CDH19: variants seen among roughly 807,000 people sequenced by gnomAD.
The protein encoded by CDH19 is cadherin 19.
CDH19 carries 67 observed loss-of-function variants against 64.2 expected under a neutral mutation model. The ratio of observed to expected loss-of-function variants is 1.04; its 90% CI spans 0.86 to 1.28. The LOEUF (loss-of-function observed/expected upper bound fraction) is 1.28. Among genes scored for constraint, CDH19 ranks in the 50% most tolerant of loss-of-function variants. The probability of loss-of-function intolerance (pLI) is 0.00; values close to 1 mark genes in which losing one functional copy is unlikely to be tolerated. For missense variants in CDH19, 1,030 were observed against 929.0 expected (o/e 1.11, Z -1.41); for synonymous variants, 346 against 319.3 (o/e 1.08, Z -0.89).
intron 1 of CDH19, among the ~76,000 whole-genome samples, chr18:66,586,015 T>G (rs963344875): frequency 6.6e-6 from 1 of 152,122 alleles, no homozygotes; most frequent in African/African-American, 2.4e-5. Flanking sequence ...CTGAATCTAA[T>G]TAGAAATTGT....
At chr18:66,506,086 A>AT (rs1451358468) in intron 11 of CDH19, among the ~76,000 whole-genome samples, 1 of 152,054 alleles carries the variant, frequency 6.6e-6, no homozygotes, top group Non-Finnish European at 1.5e-5. Context: ...AAAGCACTGC[A>AT]TGATCTCACT....
intron 3 of CDH19, among the ~76,000 whole-genome samples, chr18:66,557,622 C>T (rs548923406): frequency 2.0e-5 from 3 of 151,806 alleles, no homozygotes; most frequent in East Asian, 3.9e-4. Context: ...TTAAAAGAAC[C>T]AAGGCTATAG....
rs1987044088 is a variant in CDH19 at position 66,544,842 on chromosome 18, CAT to C, written c.835_836del (p.Met279GlyfsTer3). The C allele has an allele frequency of 6.2e-7, 1 of 1,612,614 alleles. No homozygotes were observed. Among genetic ancestry groups the C allele is most frequent in the Non-Finnish European group, 8.5e-7 (1 of 1,179,128 alleles). On this transcript the variant is annotated frameshift_variant, in exon 6 of 12. Transcript: ENST00000262150. LOFTEE classifies it high-confidence loss of function. ...TCTCTCCTATGTCATTATCATATGCCATGATTGTTCCTATAGAAGTCCCAGTG... is the reference window on the plus strand; with the variant it reads ...TCTCTCCTATGTCATTATCATATGCCGATTGTTCCTATAGAAGTCCCAGTG... ...APTGTSIGTI[M>X]AYDNDIGENA...
At chr18:66,587,427 T>C (rs1988608652) in intron 1 of CDH19, among the ~76,000 whole-genome samples, 1 of 152,110 alleles carries the variant, frequency 6.6e-6, no homozygotes, top group African/African-American at 2.4e-5. Context: ...CCTCATAAAC[T>C]GTCCCTAAAT....
At chr18:66,542,570 A>T (rs1464367042) in intron 7 of CDH19, among the ~76,000 whole-genome samples, 1 of 152,214 alleles carries the variant, frequency 6.6e-6, no homozygotes, top group African/African-American at 2.4e-5. Flanking sequence ...ATAGATGGCA[A>T]ATATCTGTTT....
At chr18:66,514,443 T>A (rs986366605) in intron 9 of CDH19, among the ~76,000 whole-genome samples, 95 of 151,436 alleles carry the variant, frequency 6.3e-4, no homozygotes, top group African/African-American at 2.0e-3. Flanking sequence ...GAAGATTTTC[T>A]AGGGTAAGAG....
intron 8 of CDH19, chr18:66,532,489 T>TACAC (rs34280650): frequency 0.02 from 2,904 of 146,710 alleles, 65 homozygotes; most frequent in African/African-American, 0.053. Context: ...AGAGCATTCA[T>TACAC]ACACACACAC....
chr18:66,504,602 A>G lies in CDH19; in HGVS notation c.*210T>C, dbSNP rs1419003816. The stretch of plus-strand genomic sequence containing the variant: ...AAATCTGGTTGTATTGATGCCTGTG[A>G]GCTGATTGTTTACATTTCTCCCCAC... On this transcript the variant is annotated 3_prime_UTR_variant, in exon 12 of 12. Transcript: ENST00000262150. The G allele has an allele frequency of 4.3e-6, 2 of 468,780 alleles. No individual in the cohort carries two copies. The highest frequency in any genetic ancestry group is 3.8e-6 in the Non-Finnish European group (1 of 265,806). 29.0% of individuals were successfully genotyped at this position (468,780 alleles called of 1,614,324 possible). A position where few individuals can be genotyped will look rare whatever the true frequency, so the allele number is the denominator to read the frequency against.
chr18:66,594,861 G>T (rs1459890613), intron 1 of CDH19, among the ~76,000 whole-genome samples: 4 of 107,578 alleles, frequency 3.7e-5, no homozygotes, highest in South Asian at 3.8e-4. Context: ...GTTGTGGGGT[G>T]GGGGGAGGGG....
intron 5 of CDH19, among the ~76,000 whole-genome samples, chr18:66,550,233 C>G (rs899429469): frequency 6.6e-6 from 1 of 152,126 alleles, no homozygotes; most frequent in African/African-American, 2.4e-5. Flanking sequence ...AGAAATTCCT[C>G]CAATAATTGC....
In CDH19 at chr18:66,505,303, C is replaced by A; in HGVS notation, c.1829-1G>T. On this transcript the variant is annotated splice_acceptor_variant, in intron 11 of 11. Transcript: ENST00000262150. LOFTEE classifies it high-confidence loss of function. ...AAACCCAAAGTCAAAAAAATAAACCCTGATGAAGAAAGCACATCAGAATAT... is the reference window on the plus strand; with the variant it reads ...AAACCCAAAGTCAAAAAAATAAACCATGATGAAGAAAGCACATCAGAATAT... 6.5e-7 allele frequency: 1 copy of A among 1,542,688 alleles called. No individual in the cohort carries two copies. Among genetic ancestry groups the A allele is most frequent in the South Asian group, 1.3e-5 (1 of 77,824 alleles).
chr18:66,561,109 A>G (rs541461612), intron 3 of CDH19, among the ~76,000 whole-genome samples: 32 of 150,534 alleles, frequency 2.1e-4, no homozygotes, highest in South Asian at 1.9e-3. Flanking sequence ...AGATTTAACT[A>G]TATCTTAAGA....
At position 66,520,101 on chromosome 18, in the gene CDH19, C is replaced by T. The variant is rs904909074; in HGVS notation, c.1459-8416G>A. 2.2e-4 allele frequency among the ~76,000 whole-genome samples: 33 copies of T among 152,062 alleles called. 1 individual carries two copies. Among genetic ancestry groups the T allele is most frequent in the African/African-American group, 7.0e-4 (29 of 41,402 alleles). The stretch of plus-strand genomic sequence containing the variant: ...TCGGGAGGCTGAGGCAGGAGAATCG[C>T]TTGAACTCGGGAGGCAGAGGTTGCA... On this transcript the variant is annotated intron_variant, in intron 9 of 11. Transcript: ENST00000262150.
chr18:66,556,464 CTA>C (rs1987524297), intron 3 of CDH19, among the ~76,000 whole-genome samples: 1 of 151,728 alleles, frequency 6.6e-6, no homozygotes, highest in Admixed American at 6.6e-5. Flanking sequence ...ATTTTATTCT[CTA>C]TCTTTCTATA....
At chr18:66,513,411 G>A (rs997967835) in intron 9 of CDH19, among the ~76,000 whole-genome samples, 1 of 151,384 alleles carries the variant, frequency 6.6e-6, no homozygotes, top group Non-Finnish European at 1.5e-5. Flanking sequence ...CTTCCAATAA[G>A]ATATGTTTTA....
rs1985020699 is a variant in CDH19 at position 66,503,167 on chromosome 18, A to C, written c.*1645T>G. On this transcript the variant is annotated 3_prime_UTR_variant, in exon 12 of 12. Transcript: ENST00000262150. ...TTCCTGTTCAAACCATAAATTTTGAAGTCTACCTTGATTTGGATAGAATAA... is the reference window on the plus strand; with the variant it reads ...TTCCTGTTCAAACCATAAATTTTGACGTCTACCTTGATTTGGATAGAATAA... The C allele has an allele frequency of 6.6e-6, 1 of 151,838 alleles. No individual in the cohort carries two copies. The highest frequency in any genetic ancestry group is 2.4e-5 in the African/African-American group (1 of 41,422). 9.4% of individuals were successfully genotyped at this position (151,838 alleles called of 1,614,324 possible).
At chr18:66,519,440 G>T (rs1985886191) in intron 9 of CDH19, among the ~76,000 whole-genome samples, 1 of 152,106 alleles carries the variant, frequency 6.6e-6, no homozygotes, top group African/African-American at 2.4e-5. Context: ...GCATGGTTAG[G>T]ATATTATCAT....
chr18:66,540,185 T>C (rs1986834338), intron 7 of CDH19, among the ~76,000 whole-genome samples: 1 of 152,204 alleles, frequency 6.6e-6, no homozygotes, highest in Admixed American at 6.5e-5. Context: ...ACTCCGTTGC[T>C]TTCAGTTTCA....
rs182351851 is a variant in CDH19, at chr18:66,511,636, T to C, written c.1508A>G (p.His503Arg). The C allele has an allele frequency of 1.2e-4, 185 of 1,578,644 alleles. No homozygotes were observed. In the East Asian group the frequency reaches 4.0e-3, roughly 35 times the overall value. ...AVDRDESIEE[H>R]HFYFNLSVED... ...TACAGATAGATTAAAGTAAAAATGG[T>C]GCTCTTCTATGGATTCATCTCTATC... Residue 503 changes from histidine to arginine, a missense_variant, in exon 10 of 12, where the codon CAC becomes CGC. His to Arg is a conservative substitution (Grantham distance 29). Coordinates refer to ENST00000262150, the MANE Select transcript of CDH19 (RefSeq NM_021153.4).
Sources: allele counts gnomAD v4.1 joint callset (sites outside exome capture counted in the v4.1 genomes callset), GRCh38; gene constraint gnomAD v4.1.1; transcripts MANE v1.5; gene names NCBI Gene and HGNC (gene_info 2026-07-23, HGNC 2026-07-21).